SS18L1: variants seen among roughly 807,000 people sequenced by gnomAD.
SS18L1 encodes the protein SS18L1 subunit of BAF chromatin remodeling complex, also known as calcium-responsive transactivator.
Under a neutral mutation model 70.3 loss-of-function variants are expected in SS18L1, and 32 were observed. The observed-to-expected ratio is 0.46, with a 90% confidence interval of 0.34 to 0.61. The LOEUF (loss-of-function observed/expected upper bound fraction) is 0.61. Among genes scored for constraint, SS18L1 ranks in the 20% least tolerant of loss-of-function variants. SS18L1 has a pLI of 0.01. For missense variants in SS18L1, 430 were observed against 542.1 expected, an observed-to-expected ratio of 0.79 and a Z score of 2.05; for synonymous variants, 237 against 229.7, an observed-to-expected ratio of 1.03 and a Z score of -0.29.
intron 3 of SS18L1, among the ~76,000 whole-genome samples, chr20:62,160,371 G>GTGGGA (rs1426175614): frequency 3.9e-5 from 5 of 129,314 alleles, no homozygotes; most frequent in African/African-American, 1.2e-4. Context: ...ATGGGGAGAG[G>GTGGGA]TGGGGAGAGG....
At chr20:62,175,187 G>A in intron 10 of SS18L1, 2 of 962,026 alleles carry the variant, frequency 2.1e-6, no homozygotes, top group Non-Finnish European at 2.5e-6. Context: ...GGAGGGGGAA[G>A]CCCTTTCTGC....
Position 62,161,625 on chromosome 20 carries a change from C to T in SS18L1, c.376+45C>T. 1.9e-6 allele frequency: 3 copies of T among 1,580,214 alleles called. No individual in the cohort carries two copies. The highest frequency in any genetic ancestry group is 2.6e-6 in the Non-Finnish European group (3 of 1,157,430). ...AGGACGTTCCTGGCTACGAGGCCAC[C>T]AAGGCAGCCCTTGGGCAGCCGGCTG... On this transcript the variant is annotated intron_variant, in intron 4 of 10. Transcript: ENST00000331758. The surrounding 1 kb of genome is among the most constrained non-coding windows in gnomAD (Gnocchi z 4.4).
chr20:62,158,246 G>A lies in SS18L1; in HGVS notation c.70-426G>A, dbSNP rs2057258905. On this transcript the variant is annotated intron_variant, in intron 1 of 10. Transcript: ENST00000331758. The surrounding 1 kb of genome is among the most constrained non-coding windows in gnomAD (Gnocchi z 4.5). The stretch of plus-strand genomic sequence containing the variant: ...GCTGCTGGGGGCACGGGGCCTCTGT[G>A]TTTTCATTTGTGGGCTTAGATGGCC... 6.6e-6 allele frequency among the ~76,000 whole-genome samples: 1 copy of A among 152,128 alleles called. No homozygotes were observed. Among genetic ancestry groups the A allele is most frequent in the African/African-American group, 2.4e-5 (1 of 41,418 alleles).
intron 8 of SS18L1, among the ~76,000 whole-genome samples, chr20:62,170,599 T>A (rs2057513625): frequency 6.6e-6 from 1 of 152,250 alleles, no homozygotes; most frequent in Non-Finnish European, 1.5e-5. Flanking sequence ...GAGCACGGCC[T>A]GGGCTCCCCC....
intron 1 of SS18L1, among the ~76,000 whole-genome samples, chr20:62,157,046 T>C (rs58811245): frequency 0.098 from 14,653 of 149,914 alleles, 834 homozygotes; most frequent in South Asian, 0.2. Flanking sequence ...CCATACCCCC[T>C]CTCTCCTCTC....
At chr20:62,163,333 C>T (rs769291942) in intron 5 of SS18L1, 125 bp from the exon 6 acceptor site, 567 of 1,409,594 alleles carry the variant, frequency 4.0e-4, no homozygotes, top group Non-Finnish European at 5.1e-4. Context: ...CGGTGGAGGA[C>T]GCTGTCCTCG....
intron 8 of SS18L1, among the ~76,000 whole-genome samples, chr20:62,166,347 G>GAGGTAACAGTGTTGGTGAGGCTTCACC (rs1242366224): frequency 2.0e-5 from 3 of 152,246 alleles, no homozygotes; most frequent in Non-Finnish European, 4.4e-5. Flanking sequence ...AATTTATCAA[G>GAGGTAACAGTGTTGGTGAGGCTTCACC]AGGTAACAGT....
intron 1 of SS18L1, among the ~76,000 whole-genome samples, chr20:62,156,118 G>C (rs1384641785): frequency 6.6e-6 from 1 of 152,190 alleles, no homozygotes; most frequent in African/African-American, 2.4e-5. Flanking sequence ...CACCCGCGGG[G>C]CTCTGCCTAA....
At position 62,161,408 on chromosome 20, in the gene SS18L1, T is replaced by G; in HGVS notation, c.232-28T>G. On this transcript the variant is annotated intron_variant, in intron 3 of 10. Transcript: ENST00000331758. The surrounding 1 kb of genome is among the most constrained non-coding windows in gnomAD (Gnocchi z 4.4). The stretch of plus-strand genomic sequence containing the variant: ...GTCGCTCTCCGTAAATTAACCGTTT[T>G]TCCCTGAAAACTTCCTGTTGCCTGC... 1 of 1,612,622 alleles carries G rather than the reference T, an allele frequency of 6.2e-7. No homozygotes were observed. Among genetic ancestry groups the G allele is most frequent in the Non-Finnish European group, 8.5e-7 (1 of 1,179,926 alleles).
intron 1 of SS18L1, among the ~76,000 whole-genome samples, chr20:62,146,413 G>A (rs368320303): frequency 6.6e-6 from 1 of 152,098 alleles, no homozygotes; most frequent in Non-Finnish European, 1.5e-5. Context: ...TTCGTGTCCT[G>A]TGACTTCCTT....
At position 62,153,774 on chromosome 20, in the gene SS18L1, C is replaced by T. The variant is rs149853435; in HGVS notation, c.70-4898C>T. 8.4e-3 allele frequency among the ~76,000 whole-genome samples: 1,272 copies of T among 152,244 alleles called. 22 individuals carry two copies. Among genetic ancestry groups the T allele is most frequent in the Admixed American group, 0.037 (560 of 15,300 alleles). On this transcript the variant is annotated intron_variant, in intron 1 of 10. Transcript: ENST00000331758. Reference sequence around the variant, plus strand: ...TCTCCGTGGGTCTCCCACCATTGGCCGAATTCCTTTGGCTTCTCTTGGGTT... The same window carrying T: ...TCTCCGTGGGTCTCCCACCATTGGCTGAATTCCTTTGGCTTCTCTTGGGTT...
chr20:62,146,604 C>CT (rs1339898731), intron 1 of SS18L1, among the ~76,000 whole-genome samples: 49 of 34,156 alleles, frequency 1.4e-3, no homozygotes, highest in African/African-American at 5.6e-3. Context: ...CTGCTTTGAT[C>CT]ATTTTTTTTT....
chr20:62,147,919 T>C (rs2427248), intron 1 of SS18L1, among the ~76,000 whole-genome samples: 24,605 of 152,106 alleles, frequency 0.16, 5,976 homozygotes, highest in African/African-American at 0.53. Context: ...GCACACCCAG[T>C]AGGCAGTGGG....
intron 8 of SS18L1, among the ~76,000 whole-genome samples, chr20:62,171,149 G>A (rs911747920): frequency 2.6e-5 from 4 of 152,006 alleles, no homozygotes; most frequent in East Asian, 3.9e-4. Context: ...TGATCCACCC[G>A]CCTCGGCCTC....
At position 62,174,966 on chromosome 20, in the gene SS18L1, G is replaced by A. The variant is rs893126486; in HGVS notation, c.1164+322G>A. ...TCTGCTGAGTGCTTGGTGTGTGGCC[G>A]CGACACGAACCCTGCACTTTTAGAG... On this transcript the variant is annotated intron_variant, in intron 10 of 10. Transcript: ENST00000331758. The surrounding 1 kb of genome is among the most constrained non-coding windows in gnomAD (Gnocchi z 4.1). 1 of 943,520 alleles carries A rather than the reference G, an allele frequency of 1.1e-6. No homozygotes were observed. Among genetic ancestry groups the A allele is most frequent in the Non-Finnish European group, 1.3e-6 (1 of 791,822 alleles). The allele number at this position is 943,520 out of a possible 1,614,324, so 58.4% of individuals were successfully genotyped here.
At chr20:62,175,825 C>T (rs1242238477) in intron 10 of SS18L1, among the ~76,000 whole-genome samples, 2 of 152,256 alleles carry the variant, frequency 1.3e-5, no homozygotes, top group Non-Finnish European at 2.9e-5. Flanking sequence ...AACACAGTCT[C>T]CCTGCCAGGG....
intron 1 of SS18L1, among the ~76,000 whole-genome samples, chr20:62,157,206 C>T (rs924950050): frequency 1.3e-5 from 2 of 152,184 alleles, no homozygotes; most frequent in Non-Finnish European, 2.9e-5. Flanking sequence ...CCCTGTTCCT[C>T]TGCTGCCACC....
In SS18L1 at chr20:62,165,351, C is replaced by T. The variant is rs2145752408; in HGVS notation, c.824-71C>T. On this transcript the variant is annotated intron_variant, in intron 7 of 10. Coordinates refer to ENST00000331758, the MANE Select transcript of SS18L1 (RefSeq NM_198935.3). ...CAGACAACATCTCCCCAGCCTGGGT[C>T]TCAGTTGCCTCCTCCGGGACCTGTG... 3.4e-6 allele frequency: 5 copies of T among 1,453,396 alleles called. No homozygotes were observed. In the South Asian group the frequency reaches 6.1e-5, roughly 18 times the overall value. The allele number at this position is 1,453,396 out of a possible 1,614,324, so 90.0% of individuals were successfully genotyped here.
chr20:62,160,042 T>C lies in SS18L1; in HGVS notation c.231+81T>C, dbSNP rs6121926. 211,255 of 1,392,432 alleles carry C rather than the reference T, an allele frequency of 0.15. 27,955 individuals carry two copies. Among genetic ancestry groups the C allele is most frequent in the African/African-American group, 0.69 (47,388 of 69,090 alleles). 86.3% of individuals were successfully genotyped at this position (1,392,432 alleles called of 1,614,324 possible). ...TAAGATCGGAATTGTGGGCATGTCA[T>C]CTCAGGTAGCAAAGATGACTCAGAG... On this transcript the variant is annotated intron_variant, in intron 3 of 10. Coordinates refer to ENST00000331758, the MANE Select transcript of SS18L1 (RefSeq NM_198935.3).
Sources: gnomAD v4.1 joint callset for allele counts (sites outside exome capture counted in the v4.1 genomes callset) on GRCh38, gnomAD v4.1.1 for gene constraint, Gnocchi (gnomAD v3.1) non-coding constraint, MANE v1.5 for transcripts, NCBI Gene and HGNC (gene_info 2026-07-23, HGNC 2026-07-21) for gene names.